The following TJP1 variants were observed in gnomAD, a reference collection of about 807,000 sequenced individuals.
TJP1 encodes the protein tight junction protein 1.
TJP1 carries 43 observed loss-of-function variants against 194.2 expected under a neutral mutation model. The ratio of observed to expected loss-of-function variants is 0.22; its 90% confidence interval spans 0.17 to 0.29. The LOEUF (loss-of-function observed/expected upper bound fraction) is 0.29, where lower values mean the gene tolerates loss of function less well. Ranked by LOEUF, TJP1 falls within the 10% of genes least tolerant of loss-of-function variation. The probability of loss-of-function intolerance (pLI) is 1.00; values close to 1 mark genes in which losing one functional copy is unlikely to be tolerated. For missense variants in TJP1, 1,971 were observed against 2,185.7 expected, an observed-to-expected ratio of 0.90 and a Z score of 1.96; for synonymous variants, 801 against 779.0, an observed-to-expected ratio of 1.03 and a Z score of -0.47.
At chr15:29,833,476 C>T (rs1023864904) in intron 2 of TJP1, among the ~76,000 whole-genome samples, 1 of 152,130 alleles carries the variant, frequency 6.6e-6, no homozygotes, top group African/African-American at 2.4e-5. Context: ...TCACTGCAAC[C>T]TCTGCCTCCC....
intron 2 of TJP1, among the ~76,000 whole-genome samples, chr15:29,857,105 G>A (rs1323153856): frequency 1.3e-5 from 2 of 152,008 alleles, no homozygotes; most frequent in African/African-American, 2.4e-5. Flanking sequence ...GGGGTCCTGG[G>A]ACAATCCCCC....
intron 2 of TJP1, among the ~76,000 whole-genome samples, chr15:29,938,806 C>T (rs73371183): frequency 0.049 from 7,430 of 152,258 alleles, 514 homozygotes; most frequent in African/African-American, 0.15. Context: ...GTGGGCAAGA[C>T]GTAGCAAGAA....
At chr15:29,790,544 G>A (rs1312860134) in intron 2 of TJP1, among the ~76,000 whole-genome samples, 4 of 151,942 alleles carry the variant, frequency 2.6e-5, no homozygotes, top group Non-Finnish European at 4.4e-5. Context: ...TTGCTGTTAC[G>A]AACATTTCAA....
At chr15:29,857,567 A>C (rs1488411186) in intron 2 of TJP1, among the ~76,000 whole-genome samples, 2 of 152,138 alleles carry the variant, frequency 1.3e-5, no homozygotes, top group Non-Finnish European at 2.9e-5. Context: ...AATAAGAATA[A>C]AATATGTATG....
At chr15:29,842,262 G>T (rs1315978289) in intron 2 of TJP1, among the ~76,000 whole-genome samples, 1 of 152,072 alleles carries the variant, frequency 6.6e-6, no homozygotes, top group Non-Finnish European at 1.5e-5. Flanking sequence ...AGCCCCAAAC[G>T]CTTCTAACTA....
chr15:29,821,875 C>T, intron 1 of TJP1, 127 bp downstream of exon 1: 1 of 939,982 alleles, frequency 1.1e-6, no homozygotes, highest in Non-Finnish European at 1.3e-6. Flanking sequence ...CGCGCCAGCC[C>T]TGCCCACCCC....
intron 8 of TJP1, among the ~76,000 whole-genome samples, chr15:29,757,470 GTT>G (rs1264890849): frequency 6.6e-6 from 1 of 152,026 alleles, no homozygotes; most frequent in Non-Finnish European, 1.5e-5. Flanking sequence ...GTCCTTTAGT[GTT>G]TTTTTACACT....
At chr15:29,843,049 C>A (rs1418478839) in intron 2 of TJP1, among the ~76,000 whole-genome samples, 1 of 152,022 alleles carries the variant, frequency 6.6e-6, no homozygotes, top group Non-Finnish European at 1.5e-5. Context: ...TAAATAAAAC[C>A]ACTAAAAAAT....
At position 29,746,391 on chromosome 15, in the gene TJP1, G is replaced by T. The variant is rs555768984; in HGVS notation, c.1011-3610C>A. Among the ~76,000 whole-genome samples, 11 of 149,952 alleles carry T rather than the reference G, an allele frequency of 7.3e-5. No individual in the cohort carries two copies. The South Asian group carries it at 2.3e-3, about 32-fold the overall frequency. On this transcript the variant is annotated intron_variant, in intron 8 of 27. Transcript: ENST00000614355. Reference sequence around the variant, plus strand: ...AGACTCCGTCTCAAAAAAAAAAAAAGAAAGAAAATAACTTCAAAACAAAAT... The same window carrying T: ...AGACTCCGTCTCAAAAAAAAAAAAATAAAGAAAATAACTTCAAAACAAAAT...
At chr15:29,749,654 T>A (rs2045112391) in intron 8 of TJP1, among the ~76,000 whole-genome samples, 1 of 152,144 alleles carries the variant, frequency 6.6e-6, no homozygotes, top group Admixed American at 6.5e-5. Context: ...CCCCAGCACA[T>A]GGGAGTACAA....
rs534483823 is a variant in TJP1 at position 29,910,752 on chromosome 15, A to G, written c.306+45480T>C. The stretch of plus-strand genomic sequence containing the variant: ...CAATAACTCTAATGATATGAGAGTA[A>G]TCACCTCCTCTCCTAAAAATAACAC... On this transcript the variant is annotated intron_variant, in intron 2 of 28. Transcript: ENST00000356107. Among the ~76,000 whole-genome samples the G allele has an allele frequency of 7.2e-5, 11 of 152,352 alleles. No homozygotes were observed. The East Asian group carries it at 1.3e-3, about 19-fold the overall frequency.
At chr15:29,788,410 G>T (rs554122271) in intron 2 of TJP1, among the ~76,000 whole-genome samples, 2 of 152,124 alleles carry the variant, frequency 1.3e-5, no homozygotes, top group Non-Finnish European at 2.9e-5. Flanking sequence ...AATTATCCCT[G>T]TGTTTTCTTC....
chr15:29,730,788 G>A (rs1321173436), intron 15 of TJP1: 13 of 777,528 alleles, frequency 1.7e-5, no homozygotes, highest in South Asian at 8.0e-5. Context: ...GAGAAGATCC[G>A]CGAGGTTGTC....
At chr15:29,791,545 C>T (rs777010115) in intron 2 of TJP1, among the ~76,000 whole-genome samples, 6 of 150,364 alleles carry the variant, frequency 4.0e-5, no homozygotes, top group Admixed American at 1.3e-4. Context: ...CTCAGCCTCG[C>T]GAGTAGCTGG....
rs559906538 is a variant in TJP1, at chr15:29,855,458, T to C, written c.307-54756A>G. ...AGATATCCCAATTACCCTGATATGA[T>C]CATGACACATTGTATACATGTATCA... On this transcript the variant is annotated intron_variant, in intron 2 of 28. Transcript: ENST00000356107. Among the ~76,000 whole-genome samples, 8 of 152,290 alleles carry C rather than the reference T, an allele frequency of 5.3e-5. 1 individual carries two copies. In the South Asian group the frequency reaches 1.7e-3, roughly 32 times the overall value.
chr15:29,948,408 A>G (rs1157260090), intron 2 of TJP1, among the ~76,000 whole-genome samples: 3 of 152,208 alleles, frequency 2.0e-5, no homozygotes, highest in Non-Finnish European at 4.4e-5. Context: ...TTATTTATGG[A>G]GTCTCAGACT....
chr15:29,723,492 C>T (rs1744304521), intron 18 of TJP1, among the ~76,000 whole-genome samples: 2 of 152,180 alleles, frequency 1.3e-5, no homozygotes, highest in Non-Finnish European at 2.9e-5. Context: ...GCCTGTACAG[C>T]CCACAGAACT....
At chr15:29,710,126 A>G (rs553206993) in intron 24 of TJP1, among the ~76,000 whole-genome samples, 1 of 152,188 alleles carries the variant, frequency 6.6e-6, no homozygotes, top group East Asian at 1.9e-4. Flanking sequence ...AGCCTGGGCG[A>G]GAGCAAGGCT....
chr15:29,892,142 G>A (rs2053331685), intron 2 of TJP1, among the ~76,000 whole-genome samples: 1 of 152,194 alleles, frequency 6.6e-6, no homozygotes, highest in Non-Finnish European at 1.5e-5. Flanking sequence ...CTGATATGGA[G>A]AAAGTTTTAG....
Sources: allele counts gnomAD v4.1 joint callset (sites outside exome capture counted in the v4.1 genomes callset), GRCh38; gene constraint gnomAD v4.1.1; transcripts MANE v1.5; gene names NCBI Gene and HGNC (gene_info 2026-07-23, HGNC 2026-07-21).